Variants in RNF121 observed in about 807,000 individuals in gnomAD.
RNF121 encodes E3 ubiquitin ligase RNF121.
In RNF121, 21 loss-of-function variants were observed where a neutral mutation model predicts 46.5. The ratio of observed to expected loss-of-function variants is 0.45; its 90% CI spans 0.32 to 0.65. The LOEUF (loss-of-function observed/expected upper bound fraction) is 0.65. RNF121 is among the 30% of genes least tolerant of loss of function. The probability of loss-of-function intolerance (pLI) is 0.04; values close to 1 mark genes in which losing one functional copy is unlikely to be tolerated. For synonymous variants in RNF121, 139 were observed against 144.7 expected, an observed-to-expected ratio of 0.96 and a Z score of 0.28; for missense variants, 346 against 416.0, an observed-to-expected ratio of 0.83 and a Z score of 1.46.
At chr11:71,959,931 C>T (rs910463916) in intron 2 of RNF121, among the ~76,000 whole-genome samples, 2 of 152,158 alleles carry the variant, frequency 1.3e-5, no homozygotes, top group Non-Finnish European at 2.9e-5. Flanking sequence ...CCACCGCGCC[C>T]GGCCTCTAAT....
intron 8 of RNF121, 59 bp from the exon 9 acceptor site, chr11:71,996,136 A>C (rs1954971202): frequency 6.2e-7 from 1 of 1,603,250 alleles, no homozygotes; most frequent in Non-Finnish European, 8.5e-7. Flanking sequence ...CCCACCACCC[A>C]TGCTAGATCA....
At chr11:71,936,561 T>C (rs992084742) in intron 1 of RNF121, among the ~76,000 whole-genome samples, 1 of 151,790 alleles carries the variant, frequency 6.6e-6, no homozygotes, top group African/African-American at 2.4e-5. Context: ...GGCTACTTTT[T>C]ATTTTTGTAT....
chr11:71,956,663 A>G (rs1590786130), intron 1 of RNF121, among the ~76,000 whole-genome samples: 1 of 152,038 alleles, frequency 6.6e-6, no homozygotes, highest in Admixed American at 6.6e-5. Context: ...GTTATATCTA[A>G]CTCTGTCTCC....
intron 1 of RNF121, among the ~76,000 whole-genome samples, chr11:71,942,613 A>G (rs998307130): frequency 4.0e-5 from 6 of 151,874 alleles, no homozygotes; most frequent in African/African-American, 7.3e-5. Flanking sequence ...AAATATAAAA[A>G]ATTAGCTGGG....
intron 3 of RNF121, among the ~76,000 whole-genome samples, chr11:71,982,444 C>T (rs1954684154): frequency 6.6e-6 from 1 of 151,578 alleles, no homozygotes; most frequent in South Asian, 2.1e-4. Context: ...ACCATTCTGG[C>T]ACTCCTCAAA....
intron 1 of RNF121, among the ~76,000 whole-genome samples, chr11:71,942,534 G>C (rs1230693428): frequency 6.6e-6 from 1 of 151,840 alleles, no homozygotes; most frequent in African/African-American, 2.4e-5. Flanking sequence ...AGGCTGAGGC[G>C]GGCGGATTAC....
Position 71,929,113 on chromosome 11 carries a change from G to A in RNF121, c.52G>A (p.Glu18Lys). The A allele has an allele frequency of 6.4e-7, 1 of 1,551,720 alleles. No homozygotes were observed. Among genetic ancestry groups the A allele is most frequent in the Non-Finnish European group, 8.7e-7 (1 of 1,147,062 alleles). ...TGGAGGTGGTGCTGCTGGGGAACGGGAGCTGGATGAGGTAAGCGGAGTTGA... is the reference window on the plus strand; with the variant it reads ...TGGAGGTGGTGCTGCTGGGGAACGGAAGCTGGATGAGGTAAGCGGAGTTGA... ...EVGGGAAGERELDEVDMSDLS... is the reference protein window; with the variant it reads ...EVGGGAAGERKLDEVDMSDLS... The change falls in exon 1 of 9, where the codon GAG (glutamate) becomes AAG (lysine). Residue 18 changes from glutamate to lysine, a missense_variant. Around this residue, in one of 2 missense-constraint regions of RNF121, gnomAD observed 60 missense variants for 32.2 expected, o/e 1.86. Coordinates refer to ENST00000361756, the MANE Select transcript of RNF121 (RefSeq NM_018320.5).
intron 3 of RNF121, among the ~76,000 whole-genome samples, chr11:71,970,037 T>C (rs150846468): frequency 7.2e-5 from 11 of 152,322 alleles, no homozygotes; most frequent in Admixed American, 7.2e-4. Context: ...TATCATGTTA[T>C]TAAATAATTA....
At chr11:71,951,984 G>A (rs1321106356) in intron 1 of RNF121, among the ~76,000 whole-genome samples, 1 of 152,140 alleles carries the variant, frequency 6.6e-6, no homozygotes, top group Non-Finnish European at 1.5e-5. Context: ...ACACTCAAGA[G>A]AAATGAAAAC....
In RNF121 at chr11:71,957,340, A is replaced by T. The variant is rs1954010973; in HGVS notation, c.101+76A>T. 7 of 1,007,728 alleles carry T rather than the reference A, an allele frequency of 6.9e-6. No homozygotes were observed. In the Admixed American group the frequency reaches 1.2e-4, roughly 17 times the overall value. The allele number at this position is 1,007,728 out of a possible 1,614,324, so 62.4% of individuals were successfully genotyped here. On this transcript the variant is annotated intron_variant, in intron 2 of 8. Transcript: ENST00000361756. Reference sequence around the variant, plus strand: ...GCTTAATTGAGTGATATGTCTACCCATTTTGCTTTCTTGTCAGTAGGAGGC... The same window carrying T: ...GCTTAATTGAGTGATATGTCTACCCTTTTTGCTTTCTTGTCAGTAGGAGGC...
intron 2 of RNF121, among the ~76,000 whole-genome samples, chr11:71,959,513 A>G (rs966274038): frequency 2.0e-5 from 3 of 152,160 alleles, no homozygotes; most frequent in Non-Finnish European, 4.4e-5. Context: ...TGGGAATTGT[A>G]TAAAAGCTTA....
At chr11:71,947,887 T>C (rs986100403) in intron 1 of RNF121, among the ~76,000 whole-genome samples, 1 of 152,282 alleles carries the variant, frequency 6.6e-6, no homozygotes, top group South Asian at 2.1e-4. Context: ...GGATAAAGTC[T>C]GAACTAAGGC....
intron 3 of RNF121, among the ~76,000 whole-genome samples, chr11:71,971,914 A>T (rs1373553435): frequency 6.6e-6 from 1 of 152,138 alleles, no homozygotes; most frequent in Non-Finnish European, 1.5e-5. Context: ...TCCTAAGGGG[A>T]TATGTAAGAG....
chr11:71,960,443 C>T lies in RNF121; in HGVS notation c.102-307C>T, dbSNP rs1954103824. On this transcript the variant is annotated intron_variant, in intron 2 of 8. Coordinates refer to ENST00000361756, the MANE Select transcript of RNF121 (RefSeq NM_018320.5). ...GAAATGGGCAATGATGCAGGTTTCT[C>T]CTGGGACCTCCTTCATGCTACAGGA... Among the ~76,000 whole-genome samples, 5 of 152,202 alleles carry T rather than the reference C, an allele frequency of 3.3e-5. 1 individual carries two copies. The South Asian group carries it at 1.0e-3, about 31-fold the overall frequency.
chr11:71,960,598 T>G (rs751528410), intron 2 of RNF121, 152 bp from the exon 3 acceptor site: 12 of 781,520 alleles, frequency 1.5e-5, no homozygotes, highest in East Asian at 5.5e-5. Flanking sequence ...TGTTAGGGTG[T>G]GTGTCCTAGC....
intron 2 of RNF121, among the ~76,000 whole-genome samples, chr11:71,958,378 T>C (rs988702585): frequency 6.6e-6 from 1 of 152,184 alleles, no homozygotes; most frequent in Non-Finnish European, 1.5e-5. Flanking sequence ...AGGGGTGGCA[T>C]TGGGAAAGAA....
intron 6 of RNF121, among the ~76,000 whole-genome samples, chr11:71,993,785 A>G (rs1273131452): frequency 6.6e-6 from 1 of 150,688 alleles, no homozygotes; most frequent in Non-Finnish European, 1.5e-5. Flanking sequence ...TGCTTTCTTA[A>G]TTATGATAAT....
At chr11:71,966,781 A>G (rs1056235732) in intron 3 of RNF121, among the ~76,000 whole-genome samples, 1 of 151,900 alleles carries the variant, frequency 6.6e-6, no homozygotes, top group Non-Finnish European at 1.5e-5. Context: ...AGCCACCACA[A>G]TTGGCCTTGC....
At chr11:71,956,434 A>G (rs1320279540) in intron 1 of RNF121, among the ~76,000 whole-genome samples, 3 of 152,202 alleles carry the variant, frequency 2.0e-5, no homozygotes, top group Admixed American at 2.0e-4. Context: ...AATATACAGG[A>G]CACCTTCCTC....
Sources: allele counts gnomAD v4.1 joint callset (sites outside exome capture counted in the v4.1 genomes callset), GRCh38; gene constraint gnomAD v4.1.1; regional missense constraint gnomAD v4.1.1; transcripts MANE v1.5; gene names NCBI Gene and HGNC (gene_info 2026-07-23, HGNC 2026-07-21).